Variants in FMNL2 observed in about 807,000 individuals in gnomAD.
FMNL2 encodes formin like 2.
A neutral mutation model predicts 130.2 loss-of-function variants in FMNL2; 51 were observed. That is an observed-to-expected ratio of 0.39 (90% confidence interval 0.31 to 0.49). The LOEUF is 0.49. Among genes scored for constraint, FMNL2 ranks in the 20% least tolerant of loss-of-function variants. FMNL2 has a pLI of 0.85. For missense variants in FMNL2, 977 were observed against 1,316.2 expected (o/e 0.74, Z 3.99); for synonymous variants, 465 against 467.1 (o/e 1.00, Z 0.06).
chr2:152,646,366 A>AG (rs1237985227), intron 25 of FMNL2, among the ~76,000 whole-genome samples: 1 of 150,434 alleles, frequency 6.6e-6, no homozygotes, highest in Non-Finnish European at 1.5e-5. Flanking sequence ...AGAGTAGGGC[A>AG]GGGTCACACA....
intron 9 of FMNL2, among the ~76,000 whole-genome samples, chr2:152,606,889 A>G (rs1298221662): frequency 1.3e-5 from 2 of 151,142 alleles, no homozygotes; most frequent in Non-Finnish European, 2.9e-5. Context: ...AGATTTTTTG[A>G]TTCAGTTATA....
chr2:152,583,019 A>T (rs1207003783), intron 9 of FMNL2, among the ~76,000 whole-genome samples: 1 of 152,218 alleles, frequency 6.6e-6, no homozygotes, highest in Non-Finnish European at 1.5e-5. Context: ...TATGCATAGT[A>T]GGCCCACAGA....
intron 1 of FMNL2, among the ~76,000 whole-genome samples, chr2:152,426,159 G>A (rs574940728): frequency 6.6e-6 from 1 of 152,322 alleles, no homozygotes; most frequent in East Asian, 1.9e-4. Flanking sequence ...GTGAGGAAGA[G>A]AAGCTCAGGG....
chr2:152,601,400 AAGCAATTCTCCTACCTC>A (rs1698050460), intron 9 of FMNL2, among the ~76,000 whole-genome samples: 1 of 149,434 alleles, frequency 6.7e-6, no homozygotes. Flanking sequence ...CCCCAGGTTC[AAGCAATTCTCCTACCTC>A]AGCCTCCTGA....
At chr2:152,622,432 A>G (rs1681408318) in intron 15 of FMNL2, 1 of 455,770 alleles carries the variant, frequency 2.2e-6, no homozygotes, top group Non-Finnish European at 4.4e-6. Context: ...AATGTGTCCA[A>G]GAAGCATGAA....
Position 152,640,775 on chromosome 2 carries a change from CCTT to C in FMNL2, c.3046-12_3046-10del. On this transcript the variant is annotated splice_polypyrimidine_tract_variant and intron_variant, in intron 24 of 25. Coordinates refer to ENST00000288670, the MANE Select transcript of FMNL2 (RefSeq NM_052905.4). The stretch of plus-strand genomic sequence containing the variant: ...GGGTGCTGGCCTCACTAATCTCTGC[CCTT>C]CTTTCTTCTCAGTCTCCTTCTCATA... 6.2e-7 allele frequency: 1 copy of C among 1,611,262 alleles called. No homozygotes were observed. The highest frequency in any genetic ancestry group is 8.5e-7 in the Non-Finnish European group (1 of 1,178,576).
At chr2:152,513,059 C>A (rs1304655594) in intron 1 of FMNL2, among the ~76,000 whole-genome samples, 1 of 152,130 alleles carries the variant, frequency 6.6e-6, no homozygotes, top group African/African-American at 2.4e-5. Context: ...TCTTTAACAG[C>A]TTCATTGAGA....
intron 1 of FMNL2, among the ~76,000 whole-genome samples, chr2:152,507,137 A>G (rs2105346167): frequency 6.6e-6 from 1 of 152,376 alleles, no homozygotes; most frequent in East Asian, 1.9e-4. Flanking sequence ...TCCTTTGGAA[A>G]TAATCCCATA....
At chr2:152,365,823 A>T (rs560565064) in intron 1 of FMNL2, among the ~76,000 whole-genome samples, 5 of 152,240 alleles carry the variant, frequency 3.3e-5, no homozygotes, top group Admixed American at 1.3e-4. Context: ...CAGCTATGAG[A>T]ATAGATAAGA....
chr2:152,531,062 A>G (rs1693660743), intron 2 of FMNL2, among the ~76,000 whole-genome samples: 1 of 152,218 alleles, frequency 6.6e-6, no homozygotes, highest in Non-Finnish European at 1.5e-5. Context: ...GGTACTAGAA[A>G]TATCCTTATA....
chr2:152,391,766 C>T (rs1188334125), intron 1 of FMNL2, among the ~76,000 whole-genome samples: 1 of 145,468 alleles, frequency 6.9e-6, no homozygotes. Flanking sequence ...AATAATGTTG[C>T]TCTTTGAGCC....
intron 1 of FMNL2, among the ~76,000 whole-genome samples, chr2:152,474,637 G>A (rs1178802415): frequency 6.6e-6 from 1 of 152,116 alleles, no homozygotes; most frequent in Non-Finnish European, 1.5e-5. Context: ...AGTGAGCTGA[G>A]ATTGTACCAC....
chr2:152,360,548 C>T (rs1314786209), intron 1 of FMNL2, among the ~76,000 whole-genome samples: 1 of 152,026 alleles, frequency 6.6e-6, no homozygotes, highest in East Asian at 1.9e-4. Flanking sequence ...TGTATGCTGT[C>T]TTCTGAAAGT....
At chr2:152,391,343 A>G (rs544979698) in intron 1 of FMNL2, among the ~76,000 whole-genome samples, 1 of 152,374 alleles carries the variant, frequency 6.6e-6, no homozygotes, top group Admixed American at 6.5e-5. Flanking sequence ...ACAAACACAG[A>G]TAAAAGACAA....
At chr2:152,582,003 C>T (rs945302727) in intron 9 of FMNL2, among the ~76,000 whole-genome samples, 4 of 152,208 alleles carry the variant, frequency 2.6e-5, no homozygotes, top group Non-Finnish European at 4.4e-5. Flanking sequence ...TACTATATGC[C>T]GGGGCTATAC....
intron 9 of FMNL2, among the ~76,000 whole-genome samples, chr2:152,586,330 T>G (rs1007076504): frequency 6.6e-6 from 1 of 152,220 alleles, no homozygotes; most frequent in Non-Finnish European, 1.5e-5. Context: ...CTAAGAAAGC[T>G]GATGTGTGGT....
At chr2:152,346,226 T>C (rs1682115124) in intron 1 of FMNL2, among the ~76,000 whole-genome samples, 1 of 152,116 alleles carries the variant, frequency 6.6e-6, no homozygotes, top group South Asian at 2.1e-4. Flanking sequence ...GGTTTCATCA[T>C]GTTGCCCAAG....
chr2:152,335,457 G>A lies in FMNL2; in HGVS notation c.-147G>A, dbSNP rs1178645125. The A allele has an allele frequency of 7.0e-6, 3 of 430,522 alleles. No homozygotes were observed. The highest frequency in any genetic ancestry group is 1.2e-5 in the Non-Finnish European group (3 of 258,904). 26.7% of individuals were successfully genotyped at this position (430,522 alleles called of 1,614,324 possible). On this transcript the variant is annotated 5_prime_UTR_variant, in exon 1 of 26. Transcript: ENST00000288670. ...TTGGAGCGCTGCTAGGGAGCGGTGCGCGCCGCACACCCGCCTGGGCGCGGC... is the reference window on the plus strand; with the variant it reads ...TTGGAGCGCTGCTAGGGAGCGGTGCACGCCGCACACCCGCCTGGGCGCGGC...
At chr2:152,494,522 G>GA (rs1375191861) in intron 1 of FMNL2, among the ~76,000 whole-genome samples, 1 of 152,152 alleles carries the variant, frequency 6.6e-6, no homozygotes, top group East Asian at 1.9e-4. Context: ...AGTTTGGTCT[G>GA]AAAAATACGG....
Sources: gnomAD v4.1 joint callset for allele counts (sites outside exome capture counted in the v4.1 genomes callset) on GRCh38, gnomAD v4.1.1 for gene constraint, MANE v1.5 for transcripts, NCBI Gene and HGNC (gene_info 2026-07-23, HGNC 2026-07-21) for gene names.